Variants in ERBB4 observed in about 807,000 individuals in gnomAD.
ERBB4 encodes erb-b2 receptor tyrosine kinase 4.
In ERBB4, 42 loss-of-function variants were observed where a neutral mutation model predicts 158.0. That is an observed-to-expected ratio of 0.27 (90% CI 0.21 to 0.34). ERBB4 has a LOEUF of 0.34. Ranked by LOEUF, ERBB4 falls within the 10% of genes least tolerant of loss-of-function variation. The probability of loss-of-function intolerance (pLI) is 1.00; values close to 1 mark genes in which losing one functional copy is unlikely to be tolerated. For synonymous variants in ERBB4, 583 were observed against 558.7 expected, an observed-to-expected ratio of 1.04 and a Z score of -0.61; for missense variants, 1,333 against 1,624.1, an observed-to-expected ratio of 0.82 and a Z score of 3.08.
chr2:212,437,246 C>A (rs2092157693), intron 1 of ERBB4, among the ~76,000 whole-genome samples: 1 of 151,928 alleles, frequency 6.6e-6, no homozygotes, highest in Admixed American at 6.6e-5. Flanking sequence ...CTAAACAAAG[C>A]AGTCTGCTAG....
chr2:212,350,299 G>A (rs2089197244), intron 1 of ERBB4, among the ~76,000 whole-genome samples: 1 of 152,042 alleles, frequency 6.6e-6, no homozygotes, highest in Non-Finnish European at 1.5e-5. Flanking sequence ...TAAGACCTTA[G>A]AGTGTAAAGC....
At chr2:211,861,092 A>T (rs1417073734) in intron 3 of ERBB4, among the ~76,000 whole-genome samples, 3 of 57,372 alleles carry the variant, frequency 5.2e-5, no homozygotes, top group South Asian at 6.2e-4. Flanking sequence ...TATAAAATAT[A>T]TAAATACATT....
chr2:212,156,843 C>G (rs1025313625), intron 1 of ERBB4, among the ~76,000 whole-genome samples: 1 of 152,064 alleles, frequency 6.6e-6, no homozygotes, highest in African/African-American at 2.4e-5. Flanking sequence ...CCTGTTGCTT[C>G]TATCTCCCTA....
Position 211,886,358 on chromosome 2 carries a change from G to C in ERBB4, c.421+61072C>G, listed in dbSNP as rs1207277031. Among the ~76,000 whole-genome samples the C allele has an allele frequency of 3.3e-5, 5 of 152,044 alleles. No individual in the cohort carries two copies. In the South Asian group the frequency reaches 1.0e-3, roughly 32 times the overall value. ...AAGAACATAAATTTGGTTCACTTCT[G>C]TTTACTACTGTATTCTCATCAGCAA... On this transcript the variant is annotated intron_variant, in intron 3 of 27. Transcript: ENST00000342788.
intron 1 of ERBB4, among the ~76,000 whole-genome samples, chr2:212,262,625 G>C (rs1053689376): frequency 2.6e-5 from 4 of 152,016 alleles, no homozygotes; most frequent in Admixed American, 6.6e-5. Flanking sequence ...AGTGGATATG[G>C]CTCTATACAA....
In ERBB4 at chr2:212,145,311, A is replaced by G. The variant is rs372477113; in HGVS notation, c.83-20408T>C. Among the ~76,000 whole-genome samples, 6 of 152,276 alleles carry G rather than the reference A, an allele frequency of 3.9e-5. No individual in the cohort carries two copies. The East Asian group carries it at 1.2e-3, about 29-fold the overall frequency. On this transcript the variant is annotated intron_variant, in intron 1 of 27. Transcript: ENST00000342788. ...CTAGACTAGTGGTTGCATAAATACT[A>G]TTCATTCACACTATCAGAGCCTCCT... is the stretch of plus-strand genomic sequence containing the variant.
chr2:211,398,926 C>T (rs749852528), intron 25 of ERBB4, among the ~76,000 whole-genome samples: 6 of 152,114 alleles, frequency 3.9e-5, no homozygotes, highest in African/African-American at 7.2e-5. Context: ...TAACTATGAT[C>T]CTTGCCAGTT....
At chr2:211,503,490 G>A (rs1019005317) in intron 20 of ERBB4, among the ~76,000 whole-genome samples, 1 of 152,116 alleles carries the variant, frequency 6.6e-6, no homozygotes, top group Non-Finnish European at 1.5e-5. Context: ...ACATTGATCT[G>A]CCTGAGTGGT....
chr2:211,602,545 A>T (rs1002448004), intron 19 of ERBB4, among the ~76,000 whole-genome samples: 2 of 151,842 alleles, frequency 1.3e-5, no homozygotes, highest in Non-Finnish European at 2.9e-5. Flanking sequence ...CCAAAACACA[A>T]CTCAAACAAA....
chr2:212,492,390 C>A (rs1174118165), intron 1 of ERBB4, among the ~76,000 whole-genome samples: 2 of 150,026 alleles, frequency 1.3e-5, no homozygotes, highest in East Asian at 1.9e-4. Flanking sequence ...GGTCATTAAT[C>A]TAAAATAAAT....
At chr2:211,944,200 C>G (rs1354733589) in intron 3 of ERBB4, among the ~76,000 whole-genome samples, 5,366 of 19,016 alleles carry the variant, frequency 0.28, 296 homozygotes, top group Middle Eastern at 0.43. Context: ...TATATATATA[C>G]TATATATATA....
intron 4 of ERBB4, among the ~76,000 whole-genome samples, chr2:211,759,228 C>T (rs2075352492): frequency 6.6e-6 from 1 of 152,154 alleles, no homozygotes; most frequent in African/African-American, 2.4e-5. Flanking sequence ...TTCTCACCAC[C>T]TGCACCATTA....
At chr2:211,925,228 T>C (rs142075356) in intron 3 of ERBB4, among the ~76,000 whole-genome samples, 3 of 152,230 alleles carry the variant, frequency 2.0e-5, no homozygotes, top group African/African-American at 4.8e-5. Context: ...CAAACAACAT[T>C]AGTATTAGTT....
At chr2:211,509,191 G>T (rs1409554733) in intron 20 of ERBB4, among the ~76,000 whole-genome samples, 1 of 151,902 alleles carries the variant, frequency 6.6e-6, no homozygotes, top group Non-Finnish European at 1.5e-5. Context: ...GTCGGGGAGT[G>T]GGGGACAAGG....
intron 5 of ERBB4, among the ~76,000 whole-genome samples, chr2:211,746,153 C>A (rs2074966076): frequency 6.6e-6 from 1 of 152,182 alleles, no homozygotes; most frequent in Non-Finnish European, 1.5e-5. Flanking sequence ...TGGTGGCTCA[C>A]ACCTGTAATC....
chr2:212,040,831 C>T (rs1332135958), intron 2 of ERBB4, among the ~76,000 whole-genome samples: 1 of 152,076 alleles, frequency 6.6e-6, no homozygotes, highest in African/African-American at 2.4e-5. Context: ...TGATTTTTAC[C>T]CTTTGCCTTC....
intron 1 of ERBB4, among the ~76,000 whole-genome samples, chr2:212,356,826 T>G (rs2089481249): frequency 6.6e-6 from 1 of 151,952 alleles, no homozygotes; most frequent in African/African-American, 2.4e-5. Context: ...GATGCTATTT[T>G]TATGTGAAAT....
At chr2:211,564,652 C>G (rs2067496881) in intron 19 of ERBB4, among the ~76,000 whole-genome samples, 1 of 152,088 alleles carries the variant, frequency 6.6e-6, no homozygotes, top group Non-Finnish European at 1.5e-5. Context: ...TCCATGCTTC[C>G]TTTCTTTGTA....
intron 1 of ERBB4, among the ~76,000 whole-genome samples, chr2:212,399,545 C>CATATATATATATATACATATATATAT (rs2091132872): frequency 2.6e-5 from 1 of 38,098 alleles, no homozygotes; most frequent in Non-Finnish European, 4.9e-5. Context: ...TTTATATATA[C>CATATATATATATATACATATATATAT]ATATATATAT....
Sources: gnomAD v4.1 joint callset for allele counts (sites outside exome capture counted in the v4.1 genomes callset) on GRCh38, gnomAD v4.1.1 for gene constraint, MANE v1.5 for transcripts, NCBI Gene and HGNC (gene_info 2026-07-23, HGNC 2026-07-21) for gene names.